Variants in AUH observed in about 807,000 individuals in gnomAD.
AUH encodes the protein methylglutaconyl-CoA hydratase, mitochondrial.
Under a neutral mutation model 42.3 loss-of-function variants are expected in AUH, and 29 were observed. The observed-to-expected ratio is 0.69, with a 90% CI of 0.51 to 0.93. The LOEUF (loss-of-function observed/expected upper bound fraction) is 0.93. Ranked by LOEUF, AUH falls within the 40% of genes least tolerant of loss-of-function variation. AUH has a pLI of 0.00. For missense variants in AUH, 452 were observed against 438.1 expected, an observed-to-expected ratio of 1.03 and a Z score of -0.28; for synonymous variants, 174 against 166.4, an observed-to-expected ratio of 1.05 and a Z score of -0.35.
intron 6 of AUH, among the ~76,000 whole-genome samples, chr9:91,280,603 A>T (rs557646881): frequency 6.6e-6 from 1 of 152,338 alleles, no homozygotes; most frequent in South Asian, 2.1e-4. Flanking sequence ...AAGGGCAGTT[A>T]AAGTAAATAA....
intron 4 of AUH, among the ~76,000 whole-genome samples, chr9:91,322,954 T>A (rs1829696042): frequency 6.6e-6 from 1 of 152,186 alleles, no homozygotes; most frequent in Non-Finnish European, 1.5e-5. Context: ...ATAATCCCGA[T>A]GCATATTTTA....
At chr9:91,304,011 G>A (rs186218999) in intron 4 of AUH, among the ~76,000 whole-genome samples, 14 of 152,282 alleles carry the variant, frequency 9.2e-5, no homozygotes, top group African/African-American at 3.4e-4. Context: ...TTCAAAGTGA[G>A]AAGTCTCAGG....
At chr9:91,278,085 A>C (rs1825684483) in intron 6 of AUH, among the ~76,000 whole-genome samples, 1 of 152,178 alleles carries the variant, frequency 6.6e-6, no homozygotes, top group African/African-American at 2.4e-5. Flanking sequence ...AAGGTAGAAG[A>C]CCAAGGGGAA....
At chr9:91,262,696 T>C (rs1829765582) in intron 6 of AUH, among the ~76,000 whole-genome samples, 1 of 144,586 alleles carries the variant, frequency 6.9e-6, no homozygotes, top group Non-Finnish European at 1.5e-5. Context: ...GTCCCACAAT[T>C]GGAGTGGGGT....
At chr9:91,301,582 AT>A (rs1328473767) in intron 4 of AUH, among the ~76,000 whole-genome samples, 1 of 152,142 alleles carries the variant, frequency 6.6e-6, no homozygotes, top group Non-Finnish European at 1.5e-5. Context: ...TCTAAAGAGG[AT>A]GAAAATTGTG....
At chr9:91,333,497 A>G (rs940792293) in intron 3 of AUH, among the ~76,000 whole-genome samples, 3 of 152,220 alleles carry the variant, frequency 2.0e-5, no homozygotes, top group Non-Finnish European at 2.9e-5. Flanking sequence ...TTCAAATTTG[A>G]TAACTATTAA....
At chr9:91,215,053 G>T (rs899988645) in intron 9 of AUH, among the ~76,000 whole-genome samples, 1 of 152,108 alleles carries the variant, frequency 6.6e-6, no homozygotes, top group African/African-American at 2.4e-5. Flanking sequence ...ATGACAGGTG[G>T]TGATTTATAT....
chr9:91,295,286 T>A (rs1439333105), intron 6 of AUH, among the ~76,000 whole-genome samples: 1 of 152,190 alleles, frequency 6.6e-6, no homozygotes, highest in Non-Finnish European at 1.5e-5. Flanking sequence ...GAGAACAGAC[T>A]AATACATGGA....
At chr9:91,279,725 TCCAACA>T (rs1825819323) in intron 6 of AUH, among the ~76,000 whole-genome samples, 1 of 152,086 alleles carries the variant, frequency 6.6e-6, no homozygotes, top group Non-Finnish European at 1.5e-5. Flanking sequence ...AGGCCCCTCC[TCCAACA>T]CTGCGGGTCA....
intron 6 of AUH, among the ~76,000 whole-genome samples, chr9:91,233,906 C>G (rs76781029): frequency 0.024 from 3,687 of 152,234 alleles, 72 homozygotes; most frequent in East Asian, 0.058. Flanking sequence ...TTCTATTTGT[C>G]AGGGTTATTT....
At chr9:91,246,068 T>C (rs1035693812) in intron 6 of AUH, among the ~76,000 whole-genome samples, 6 of 151,792 alleles carry the variant, frequency 4.0e-5, no homozygotes, top group Non-Finnish European at 7.4e-5. Flanking sequence ...GGAGGCAGCC[T>C]GGGAAAAGAT....
intron 3 of AUH, among the ~76,000 whole-genome samples, chr9:91,338,587 C>A (rs751544106): frequency 6.6e-6 from 1 of 152,176 alleles, no homozygotes; most frequent in Admixed American, 6.5e-5. Context: ...CCCACCACCA[C>A]GCCCTGCTAA....
At chr9:91,257,988 A>G (rs1051184796) in intron 6 of AUH, among the ~76,000 whole-genome samples, 3 of 152,192 alleles carry the variant, frequency 2.0e-5, no homozygotes, top group African/African-American at 7.2e-5. Context: ...GTTAAATTTA[A>G]AGTATTTCAT....
intron 3 of AUH, among the ~76,000 whole-genome samples, chr9:91,346,376 G>A (rs1162278298): frequency 6.6e-6 from 1 of 152,146 alleles, no homozygotes; most frequent in Non-Finnish European, 1.5e-5. Context: ...TCCCAGGTTA[G>A]TGAACACATG....
At chr9:91,356,666 T>C (rs933361172) in intron 1 of AUH, among the ~76,000 whole-genome samples, 1 of 152,146 alleles carries the variant, frequency 6.6e-6, no homozygotes, top group Admixed American at 6.5e-5. Context: ...CAAAGTTCAT[T>C]ATCTCTCCCA....
chr9:91,282,606 ACATGT>A (rs1210015344), intron 6 of AUH, among the ~76,000 whole-genome samples: 1 of 152,212 alleles, frequency 6.6e-6, no homozygotes, highest in Non-Finnish European at 1.5e-5. Context: ...ACCTTGCAGG[ACATGT>A]CATCTATTAA....
chr9:91,340,223 G>A (rs1384238947), intron 3 of AUH, among the ~76,000 whole-genome samples: 1 of 152,126 alleles, frequency 6.6e-6, no homozygotes, highest in East Asian at 1.9e-4. Flanking sequence ...ACTACCTTCT[G>A]CAGCAAAACC....
intron 6 of AUH, among the ~76,000 whole-genome samples, chr9:91,277,938 A>G (rs1825673352): frequency 6.6e-6 from 1 of 152,160 alleles, no homozygotes; most frequent in Non-Finnish European, 1.5e-5. Context: ...TGAGATTAAA[A>G]CAGTTTGGTA....
chr9:91,232,998 TTC>T lies in AUH; in HGVS notation c.656-12008_656-12007del. ...TTGGAATTCCTCCTTTAAAACTAAT[TTC>T]ACAGATGACAACCCATTTTTTCACT... On this transcript the variant is annotated intron_variant, in intron 6 of 9. Transcript: ENST00000375731. Among the ~76,000 whole-genome samples the T allele has an allele frequency of 2.6e-5, 4 of 152,310 alleles. No individual in the cohort carries two copies. In the South Asian group the frequency reaches 8.3e-4, roughly 32 times the overall value.
Sources: allele counts gnomAD v4.1 joint callset (sites outside exome capture counted in the v4.1 genomes callset), GRCh38; gene constraint gnomAD v4.1.1; transcripts MANE v1.5; gene names NCBI Gene and HGNC (gene_info 2026-07-23, HGNC 2026-07-21).